ZNF549: variants seen among roughly 807,000 people sequenced by gnomAD.
ZNF549 encodes the protein zinc finger protein 549.
Under a neutral mutation model 11.1 loss-of-function variants are expected in ZNF549, and 11 were observed. The observed-to-expected ratio is 0.99, with a 90% CI of 0.62 to 1.64. ZNF549 has a LOEUF of 1.64. ZNF549 is among the 40% of genes most tolerant of loss of function. The pLI, the probability that ZNF549 is intolerant of heterozygous loss-of-function variation, is 0.00. For missense variants in ZNF549, 748 were observed against 765.1 expected (o/e 0.98, Z 0.26); for synonymous variants, 266 against 269.1 (o/e 0.99, Z 0.11).
chr19:57,528,248 T>C (rs1483026116), intron 1 of ZNF549, among the ~76,000 whole-genome samples: 1 of 152,244 alleles, frequency 6.6e-6, no homozygotes, highest in Non-Finnish European at 1.5e-5. Context: ...GTTTTTCTTT[T>C]ACCTGAACAT....
At chr19:57,532,616 A>G (rs778256588) in intron 2 of ZNF549, among the ~76,000 whole-genome samples, 1 of 152,246 alleles carries the variant, frequency 6.6e-6, no homozygotes, top group East Asian at 1.9e-4. Context: ...TCAGGAAAAT[A>G]GGAAGTTTTA....
At chr19:57,532,707 C>G (rs1226033960) in intron 2 of ZNF549, among the ~76,000 whole-genome samples, 1 of 152,144 alleles carries the variant, frequency 6.6e-6, no homozygotes, top group East Asian at 1.9e-4. Context: ...GTATTCTGTT[C>G]TTGTTGGACA....
In ZNF549 at chr19:57,537,233, G is replaced by A. The variant is rs2089928659; in HGVS notation, c.229G>A (p.Ala77Thr). ...TTTGCATGGAATAGAGGCTGAGGAG[G>A]CCCCTTCTGAGCAGACTCTTTCTGC... ...GCLHGIEAEE[A>T]PSEQTLSAQG... The change falls in exon 4 of 4, where the codon GCC becomes ACC. Residue 77 changes from alanine to threonine, a missense_variant. Physicochemically the swap from Ala to Thr is moderately conservative, Grantham distance 58. Transcript: ENST00000376233. The A allele has an allele frequency of 6.2e-7, 1 of 1,613,926 alleles. No homozygotes were observed. The highest frequency in any genetic ancestry group is 2.2e-5 in the East Asian group (1 of 44,878).
rs771070218 is a variant in ZNF549, at chr19:57,535,204, G to C, written c.133G>C (p.Asp45His). Residue 45 changes from aspartate (D) to histidine (H), a missense_variant, in exon 3 of 4, where the codon GAT becomes CAT. By Grantham distance (81) the Asp-to-His change is moderately conservative (BLOSUM62 -1). Transcript: ENST00000376233. ...YFSQEEWGLL[D>H]EAQRCLYHDV... Reference sequence around the variant, plus strand: ...CTCCCAGGAGGAGTGGGGCCTCCTTGATGAAGCTCAAAGGTGCCTGTATCA... The same window carrying C: ...CTCCCAGGAGGAGTGGGGCCTCCTTCATGAAGCTCAAAGGTGCCTGTATCA... The C allele has an allele frequency of 6.2e-7, 1 of 1,614,124 alleles. No individual in the cohort carries two copies.
chr19:57,535,038 A>G, intron 2 of ZNF549, 106 bp from the exon 3 acceptor site: 1 of 1,433,336 alleles, frequency 7.0e-7, no homozygotes, highest in Non-Finnish European at 9.5e-7. Flanking sequence ...GAGACACCAT[A>G]AGGACCTGGT....
rs545183381 is a variant in ZNF549 at position 57,537,400 on chromosome 19, T to C, written c.396T>C (p.Tyr132=). Residue 132 remains tyrosine, a synonymous_variant, in exon 4 of 4, where the codon TAT becomes TAC. Transcript: ENST00000376233. ...HQGTLPWQKP[Y]TSVASGKWFS... ...GGACACTTCCCTGGCAGAAACCTTA[T>C]ACGTCTGTGGCCAGTGGGAAATGGT... 9.3e-6 allele frequency: 15 copies of C among 1,614,100 alleles called. No homozygotes were observed. Among genetic ancestry groups the C allele is most frequent in the Admixed American group, 1.7e-5 (1 of 60,006 alleles).
At chr19:57,528,089 G>A (rs796578059) in intron 1 of ZNF549, among the ~76,000 whole-genome samples, 2 of 152,318 alleles carry the variant, frequency 1.3e-5, no homozygotes, top group African/African-American at 4.8e-5. Flanking sequence ...GTAGGCTCCA[G>A]GAGGATTATG....
At position 57,538,738 on chromosome 19, in the gene ZNF549, TCA is replaced by T. The variant is rs745968704; in HGVS notation, c.1737_1738del (p.His579GlnfsTer7). ...CCAGCCTCATTCAACACCAGAAAGTTCACAGTGGAGAGAGGCCTTATAACTGC... is the reference window on the plus strand; with the variant it reads ...CCAGCCTCATTCAACACCAGAAAGTTCAGTGGAGAGAGGCCTTATAACTGC... ...RTSLIQHQKVHSGERPYNCTA... is the reference protein window; with the variant it reads ...RTSLIQHQKVXSGERPYNCTA... On this transcript the variant is annotated frameshift_variant, in exon 4 of 4. Transcript: ENST00000376233. LOFTEE classifies it low-confidence loss of function (END_TRUNC). The T allele has an allele frequency of 2.5e-6, 4 of 1,614,094 alleles. No individual in the cohort carries two copies. The highest frequency in any genetic ancestry group is 3.4e-6 in the Non-Finnish European group (4 of 1,180,012).
At chr19:57,531,972 C>G (rs1169429721) in intron 2 of ZNF549, among the ~76,000 whole-genome samples, 1 of 152,180 alleles carries the variant, frequency 6.6e-6, no homozygotes, top group African/African-American at 2.4e-5. Context: ...GTATTCAGTG[C>G]TATACATTTT....
intron 1 of ZNF549, among the ~76,000 whole-genome samples, chr19:57,529,313 T>C (rs2089893194): frequency 6.6e-6 from 1 of 152,194 alleles, no homozygotes; most frequent in Non-Finnish European, 1.5e-5. Context: ...AACCTATATA[T>C]ACTATGTTTC....
chr19:57,527,597 T>C lies in ZNF549; in HGVS notation c.24T>C (p.Ile8=), dbSNP rs2089883777. 9 of 1,613,700 alleles carry C rather than the reference T, an allele frequency of 5.6e-6. No homozygotes were observed. The highest frequency in any genetic ancestry group is 7.6e-6 in the Non-Finnish European group (9 of 1,179,934). The change falls in exon 1 of 4, where the codon ATT becomes ATC. Residue 8 remains isoleucine, a synonymous_variant. Coordinates refer to ENST00000376233, the MANE Select transcript of ZNF549 (RefSeq NM_001199295.2). MAEAALV[I]TPQIPMVTEE... is the part of the protein sequence containing the mutation. Reference sequence around the variant, plus strand: ...CCATGGCCGAGGCAGCGCTAGTGATTACGCCGCAGGTGAGAGCGGAGTCCT... The same window carrying C: ...CCATGGCCGAGGCAGCGCTAGTGATCACGCCGCAGGTGAGAGCGGAGTCCT...
intron 1 of ZNF549, among the ~76,000 whole-genome samples, chr19:57,528,641 G>T (rs1323334854): frequency 1.3e-5 from 2 of 152,154 alleles, no homozygotes; most frequent in African/African-American, 4.8e-5. Context: ...GCATAGGATG[G>T]ATTTGAGGGT....
At chr19:57,530,919 A>G in intron 1 of ZNF549, 151 bp from the exon 2 acceptor site, 1 of 670,842 alleles carries the variant, frequency 1.5e-6, no homozygotes, top group South Asian at 1.8e-5. Flanking sequence ...GCACTACGAG[A>G]TAGCCACCAT....
chr19:57,536,336 G>T (rs917158191), intron 3 of ZNF549, among the ~76,000 whole-genome samples: 1 of 152,084 alleles, frequency 6.6e-6, no homozygotes, highest in African/African-American at 2.4e-5. Context: ...GTTTAGCCTG[G>T]TGATTGCATG....
At position 57,538,264 on chromosome 19, in the gene ZNF549, A is replaced by G; in HGVS notation, c.1260A>G (p.Lys420=). The stretch of plus-strand genomic sequence containing the variant: ...CGGGAGAAAGGCCTTATGAGTGCAA[A>G]GAATGTGGGAAGGCCTTCATTCACA... ...IHTGERPYEC[K]ECGKAFIHKK... The change falls in exon 4 of 4, where the codon AAA becomes AAG. Residue 420 remains lysine (K), a synonymous_variant. Coordinates refer to ENST00000376233, the MANE Select transcript of ZNF549 (RefSeq NM_001199295.2). 6.2e-7 allele frequency: 1 copy of G among 1,613,230 alleles called. No individual in the cohort carries two copies. Among genetic ancestry groups the G allele is most frequent in the Non-Finnish European group, 8.5e-7 (1 of 1,179,824 alleles).
rs747279663 is a variant in ZNF549 at position 57,538,758 on chromosome 19, A to G, written c.1754A>G (p.Tyr585Cys). 23 of 1,614,126 alleles carry G rather than the reference A, an allele frequency of 1.4e-5. No individual in the cohort carries two copies. Among genetic ancestry groups the G allele is most frequent in the African/African-American group, 5.3e-5 (4 of 74,948 alleles). The change falls in exon 4 of 4, where the codon TAT becomes TGT. Residue 585 changes from tyrosine to cysteine, a missense_variant. By Grantham distance (194) the Tyr-to-Cys change is radical (BLOSUM62 -2). Transcript: ENST00000376233. ...AAAGTTCACAGTGGAGAGAGGCCTT[A>G]TAACTGCACTGCATGTGAGAAGGCC... ...HQKVHSGERP[Y>C]NCTACEKAFI...
In ZNF549 at chr19:57,527,656, G is replaced by C. The variant is rs780714814; in HGVS notation, c.33+50G>C. On this transcript the variant is annotated intron_variant, in intron 1 of 3. Coordinates refer to ENST00000376233, the MANE Select transcript of ZNF549 (RefSeq NM_001199295.2). ...CACCTGGGTCCTGAGGCCCCGGACTGGGGTCACCTGCGTGGGTCTCTGCAG... is the reference window on the plus strand; with the variant it reads ...CACCTGGGTCCTGAGGCCCCGGACTCGGGTCACCTGCGTGGGTCTCTGCAG... 1.9e-6 allele frequency: 3 copies of C among 1,599,654 alleles called. No individual in the cohort carries two copies. The South Asian group carries it at 3.4e-5, about 18-fold the overall frequency.
chr19:57,530,185 T>C (rs76795464), intron 1 of ZNF549, among the ~76,000 whole-genome samples: 2,475 of 152,164 alleles, frequency 0.016, 73 homozygotes, highest in African/African-American at 0.056. Context: ...AATCAAGTGA[T>C]TATAGAATTT....
chr19:57,532,802 A>G (rs1294718741), intron 2 of ZNF549, among the ~76,000 whole-genome samples: 3 of 152,166 alleles, frequency 2.0e-5, no homozygotes, highest in Non-Finnish European at 4.4e-5. Flanking sequence ...TGCCTACTGT[A>G]TCTGTCAGTA....
Sources: allele counts gnomAD v4.1 joint callset (sites outside exome capture counted in the v4.1 genomes callset), GRCh38; gene constraint gnomAD v4.1.1; transcripts MANE v1.5; gene names NCBI Gene and HGNC (gene_info 2026-07-23, HGNC 2026-07-21).